Variants in RBFOX1 observed in about 807,000 individuals in gnomAD.
RBFOX1 encodes the protein RNA binding fox-1 homolog 1.
Under a neutral mutation model 57.7 loss-of-function variants are expected in RBFOX1, and 8 were observed. That is an observed-to-expected ratio of 0.14 (90% CI 0.08 to 0.25). RBFOX1 has a LOEUF of 0.25. Ranked by LOEUF, RBFOX1 falls within the 10% of genes least tolerant of loss-of-function variation. The pLI is 1.00. For synonymous variants in RBFOX1, 326 were observed against 222.4 expected (o/e 1.47, Z -4.15); for missense variants, 611 against 548.5 (o/e 1.11, Z -1.14).
At chr16:7,047,214 C>T (rs76867153) in intron 3 of RBFOX1, among the ~76,000 whole-genome samples, 2 of 152,042 alleles carry the variant, frequency 1.3e-5, no homozygotes, top group African/African-American at 2.4e-5. Context: ...TGGAAAACTT[C>T]CTATAGCGAT....
chr16:7,594,618 G>A (rs772239438), intron 7 of RBFOX1, among the ~76,000 whole-genome samples: 26 of 152,094 alleles, frequency 1.7e-4, no homozygotes, highest in Middle Eastern at 3.4e-3. Flanking sequence ...ATGTACCTGT[G>A]GTAAATTAAA....
intron 2 of RBFOX1, among the ~76,000 whole-genome samples, chr16:5,528,161 T>A (rs1362721069): frequency 6.6e-6 from 1 of 152,176 alleles, no homozygotes; most frequent in African/African-American, 2.4e-5. Flanking sequence ...GCTGCACTTC[T>A]GGGTCCTAAG....
intron 3 of RBFOX1, among the ~76,000 whole-genome samples, chr16:7,020,860 C>T (rs1418579654): frequency 6.6e-6 from 1 of 152,156 alleles, no homozygotes; most frequent in Non-Finnish European, 1.5e-5. Context: ...GTCTTGAAGG[C>T]TCATGCCTGT....
chr16:7,157,733 C>G (rs1040886520), intron 4 of RBFOX1, among the ~76,000 whole-genome samples: 2 of 152,122 alleles, frequency 1.3e-5, no homozygotes, highest in Non-Finnish European at 2.9e-5. Flanking sequence ...CACTGCAGCT[C>G]TTCACTGGGC....
intron 1 of RBFOX1, among the ~76,000 whole-genome samples, chr16:5,363,987 A>G (rs938894311): frequency 1.3e-5 from 2 of 152,144 alleles, no homozygotes; most frequent in African/African-American, 4.8e-5. Context: ...AGTGTGTGCA[A>G]TCAGTTTCCA....
At chr16:5,938,838 T>G (rs1057215693) in intron 4 of RBFOX1, among the ~76,000 whole-genome samples, 20 of 152,170 alleles carry the variant, frequency 1.3e-4, no homozygotes, top group African/African-American at 4.8e-4. Flanking sequence ...TAGCCCAAAT[T>G]GCTGATTCAT....
intron 3 of RBFOX1, among the ~76,000 whole-genome samples, chr16:7,010,465 G>A (rs1307738087): frequency 6.6e-6 from 1 of 152,142 alleles, no homozygotes; most frequent in Non-Finnish European, 1.5e-5. Flanking sequence ...GCATCCGAGG[G>A]GCTAGATCTC....
At chr16:7,010,926 C>G (rs1042756090) in intron 3 of RBFOX1, among the ~76,000 whole-genome samples, 3 of 152,302 alleles carry the variant, frequency 2.0e-5, no homozygotes, top group Admixed American at 6.5e-5. Context: ...AGTTCTCCCA[C>G]CAAAGTGAGT....
rs531381581 is a variant in RBFOX1, at chr16:5,944,101, C to T, written c.351+76766C>T. ...CATACATAGAGCATCAATTCCATTC[C>T]AGACACATGGACACAGTAGTGAACA... On this transcript the variant is annotated intron_variant, in intron 4 of 19. Coordinates refer to the RBFOX1 transcript ENST00000641259. Among the ~76,000 whole-genome samples, 3 of 152,284 alleles carry T rather than the reference C, an allele frequency of 2.0e-5. No homozygotes were observed. The South Asian group carries it at 6.2e-4, about 32-fold the overall frequency.
At chr16:6,290,145 T>G (rs1489725732) in intron 1 of RBFOX1, among the ~76,000 whole-genome samples, 3 of 146,482 alleles carry the variant, frequency 2.0e-5, no homozygotes, top group African/African-American at 7.5e-5. Context: ...ACTACCTTTT[T>G]TATGAATTTT....
At chr16:7,135,659 G>A (rs779341990) in intron 4 of RBFOX1, among the ~76,000 whole-genome samples, 2 of 152,212 alleles carry the variant, frequency 1.3e-5, no homozygotes, top group Non-Finnish European at 2.9e-5. Flanking sequence ...GAAGAATATT[G>A]AGGATTAATC....
Position 6,640,633 on chromosome 16 carries a change from A to AAATG in RBFOX1, c.-63-13967_-63-13966insGAAT, listed in dbSNP as rs1555640668. The stretch of plus-strand genomic sequence containing the variant: ...CAAATAAATAAATAAATAAATAAAT[A>AAATG]AATACTACTTTATAGAGCCAGTGTG... On this transcript the variant is annotated intron_variant, in intron 2 of 15. Transcript: ENST00000550418. Among the ~76,000 whole-genome samples the AAATG allele has an allele frequency of 3.7e-4, 56 of 152,036 alleles. 1 individual carries two copies. The highest frequency in any genetic ancestry group is 1.5e-3 in the South Asian group (7 of 4,816).
rs139191716 is a variant in RBFOX1, at chr16:5,670,143, G to T, written c.318+71182G>T. Among the ~76,000 whole-genome samples, 529 of 152,056 alleles carry T rather than the reference G, an allele frequency of 3.5e-3. 4 individuals carry two copies. The highest frequency in any genetic ancestry group is 0.017 in the Middle Eastern group (5 of 294). On this transcript the variant is annotated intron_variant, in intron 3 of 19. Coordinates refer to the RBFOX1 transcript ENST00000641259. ...TGTCTAGAGCAGCCAAATTCATAGC[G>T]ACAGCAGATTAGTGGTTACTGGGGG...
intron 11 of RBFOX1, among the ~76,000 whole-genome samples, chr16:7,653,014 G>T (rs1431340368): frequency 6.6e-6 from 1 of 152,180 alleles, no homozygotes; most frequent in Non-Finnish European, 1.5e-5. Context: ...CATGTGGAAA[G>T]TTGTGTGTAT....
chr16:6,621,032 A>T (rs918438025), intron 2 of RBFOX1, among the ~76,000 whole-genome samples: 2 of 152,194 alleles, frequency 1.3e-5, no homozygotes, highest in Non-Finnish European at 2.9e-5. Context: ...TGATCCTTGC[A>T]TCTCTTTTAG....
At chr16:5,997,399 A>G (rs895099615) in intron 4 of RBFOX1, among the ~76,000 whole-genome samples, 10 of 152,212 alleles carry the variant, frequency 6.6e-5, no homozygotes, top group African/African-American at 2.2e-4. Flanking sequence ...ATTTGTAGCT[A>G]CATGATAGGA....
intron 3 of RBFOX1, among the ~76,000 whole-genome samples, chr16:6,762,738 G>A (rs1331123542): frequency 6.6e-6 from 1 of 152,060 alleles, no homozygotes; most frequent in Non-Finnish European, 1.5e-5. Context: ...TAGAAAAATA[G>A]TAAGGTAAAG....
intron 4 of RBFOX1, among the ~76,000 whole-genome samples, chr16:5,903,638 GA>G (rs1166367828): frequency 6.6e-6 from 1 of 152,068 alleles, no homozygotes; most frequent in Non-Finnish European, 1.5e-5. Flanking sequence ...CTCAGAGGCT[GA>G]AAAAAAGTCT....
chr16:6,323,613 T>A (rs1292809446), intron 2 of RBFOX1, among the ~76,000 whole-genome samples: 2 of 152,222 alleles, frequency 1.3e-5, no homozygotes, highest in Non-Finnish European at 2.9e-5. Flanking sequence ...CCAATCTAGA[T>A]CAGTCTTTGA....
Sources: gnomAD v4.1 joint callset for allele counts (sites outside exome capture counted in the v4.1 genomes callset) on GRCh38, gnomAD v4.1.1 for gene constraint, MANE v1.5 for transcripts, NCBI Gene and HGNC (gene_info 2026-07-23, HGNC 2026-07-21) for gene names.